The following REEP2 variants were observed in gnomAD, a reference collection of about 807,000 sequenced individuals.
REEP2 encodes receptor expression-enhancing protein 2.
A neutral mutation model predicts 32.1 loss-of-function variants in REEP2; 9 were observed. That is an observed-to-expected ratio of 0.28 (90% CI 0.17 to 0.49). The LOEUF is 0.49. Among genes scored for constraint, REEP2 ranks in the 20% least tolerant of loss-of-function variants. The probability of loss-of-function intolerance (pLI) is 0.99; values close to 1 mark genes in which losing one functional copy is unlikely to be tolerated. For missense variants in REEP2, 236 were observed against 338.0 expected, an observed-to-expected ratio of 0.70 and a Z score of 2.37; for synonymous variants, 128 against 139.1, an observed-to-expected ratio of 0.92 and a Z score of 0.56.
rs528903885 is a variant in REEP2, at chr5:138,446,148, A to C, written c.*397A>C. 43 of 192,656 alleles carry C rather than the reference A, an allele frequency of 2.2e-4. No individual in the cohort carries two copies. The highest frequency in any genetic ancestry group is 2.2e-3 in the Middle Eastern group (1 of 454). 11.9% of individuals were successfully genotyped at this position (192,656 alleles called of 1,614,324 possible). A position where few individuals can be genotyped will look rare whatever the true frequency, so the allele number is the denominator to read the frequency against. On this transcript the variant is annotated 3_prime_UTR_variant, in exon 8 of 8. Transcript: ENST00000378339. ...CTTGGTTTGGGAGCAGGGAGGGGGAAGTCCTAGCCCAGATGGACCAAGGAC... is the reference window on the plus strand; with the variant it reads ...CTTGGTTTGGGAGCAGGGAGGGGGACGTCCTAGCCCAGATGGACCAAGGAC...
rs775182220 is a variant in REEP2, at chr5:138,445,782, G to A, written c.*31G>A. On this transcript the variant is annotated 3_prime_UTR_variant, in exon 8 of 8. Coordinates refer to ENST00000378339, the MANE Select transcript of REEP2 (RefSeq NM_001271803.2). ...TCCACCCCCGCAGGCTGCAGAGCAA[G>A]GATGAAGCCTCAGGAGGGGCCTCAG... The A allele has an allele frequency of 1.2e-6, 2 of 1,602,276 alleles. No individual in the cohort carries two copies. Among genetic ancestry groups the A allele is most frequent in the African/African-American group, 2.7e-5 (2 of 74,362 alleles).
At chr5:138,439,545 G>A (rs1763783378) in intron 1 of REEP2, 1 of 506,318 alleles carries the variant, frequency 2.0e-6, no homozygotes. Context: ...ATTTAAAAGG[G>A]GAGGCAGGCG....
Position 138,441,097 on chromosome 5 carries a change from A to G in REEP2, c.105+9A>G. ...AAAACGTGAAGGAATATGTGAGTGG[A>G]TGACCCTTCACCCCCTACCCAACCC... is the stretch of plus-strand genomic sequence containing the variant. On this transcript the variant is annotated intron_variant, in intron 2 of 7. Coordinates refer to ENST00000378339, the MANE Select transcript of REEP2 (RefSeq NM_001271803.2). This position sits in a 1 kb window ranked among gnomAD's most constrained non-coding sequence, Gnocchi z 4.4. The G allele has an allele frequency of 1.9e-6, 3 of 1,613,760 alleles. No homozygotes were observed. The highest frequency in any genetic ancestry group is 2.5e-6 in the Non-Finnish European group (3 of 1,179,980).
At chr5:138,445,425 A>C in intron 6 of REEP2, 43 bp from the exon 7 acceptor site, 1 of 1,613,740 alleles carries the variant, frequency 6.2e-7, no homozygotes, top group Non-Finnish European at 8.5e-7. Flanking sequence ...CAAGGAGTCC[A>C]GATGGGAAAG....
chr5:138,439,271 G>C (rs755695508), intron 1 of REEP2, 31 bp downstream of exon 1: 3 of 1,429,588 alleles, frequency 2.1e-6, no homozygotes, highest in East Asian at 5.3e-5. Flanking sequence ...GGGTGATGCG[G>C]GCTGTGATGG....
chr5:138,445,208 G>A lies in REEP2; in HGVS notation c.418-20G>A. ...CCGCCCCTTCCCCCCGGCTCTCCCG[G>A]TGCGTGGTGGTGACCCTAGGGCCAG... On this transcript the variant is annotated intron_variant, in intron 5 of 7. Transcript: ENST00000378339. 1 of 1,570,978 alleles carries A rather than the reference G, an allele frequency of 6.4e-7. No homozygotes were observed. Among genetic ancestry groups the A allele is most frequent in the Non-Finnish European group, 8.6e-7 (1 of 1,161,068 alleles).
chr5:138,440,801 G>A lies in REEP2; in HGVS notation c.33-215G>A, dbSNP rs1030725130. On this transcript the variant is annotated intron_variant, in intron 1 of 7. Transcript: ENST00000378339. The stretch of plus-strand genomic sequence containing the variant: ...GGGCCTTTCCCTGCCTCCGGGGCTA[G>A]AGAAAAACTGAACAGTGGAGCGGGG... 6 of 901,790 alleles carry A rather than the reference G, an allele frequency of 6.7e-6. No homozygotes were observed. In the African/African-American group the frequency reaches 8.4e-5, roughly 13 times the overall value. 55.9% of individuals were successfully genotyped at this position (901,790 alleles called of 1,614,324 possible).
Position 138,445,916 on chromosome 5 carries a change from C to A in REEP2, c.*165C>A. On this transcript the variant is annotated 3_prime_UTR_variant, in exon 8 of 8. Coordinates refer to ENST00000378339, the MANE Select transcript of REEP2 (RefSeq NM_001271803.2). ...CCAGTGGCCACTCTTCTGGAAGGGG[C>A]TTGGAAAAGAGGAAGGAGGCCCAGC... 1.4e-6 allele frequency: 1 copy of A among 691,624 alleles called. No individual in the cohort carries two copies. The highest frequency in any genetic ancestry group is 2.4e-6 in the Non-Finnish European group (1 of 411,768). The allele number at this position is 691,624 out of a possible 1,614,324, so 42.8% of individuals were successfully genotyped here.
At position 138,446,778 on chromosome 5, in the gene REEP2, C is replaced by G. The variant is rs1763943287; in HGVS notation, c.*1027C>G. On this transcript the variant is annotated 3_prime_UTR_variant, in exon 8 of 8. Coordinates refer to ENST00000378339, the MANE Select transcript of REEP2 (RefSeq NM_001271803.2). Reference sequence around the variant, plus strand: ...GTACCAAGCAGACTGGGCCCTAAGACCCCTGGCAGAACCCAGCCTCTGCTC... The same window carrying G: ...GTACCAAGCAGACTGGGCCCTAAGAGCCCTGGCAGAACCCAGCCTCTGCTC... 6.6e-6 allele frequency: 1 copy of G among 152,336 alleles called. No homozygotes were observed. Among genetic ancestry groups the G allele is most frequent in the Admixed American group, 6.5e-5 (1 of 15,282 alleles). The allele number at this position is 152,336 out of a possible 1,614,324, so 9.4% of individuals were successfully genotyped here. A position where few individuals can be genotyped will look rare whatever the true frequency, so the allele number is the denominator to read the frequency against.
At chr5:138,440,844 C>T (rs1057270073) in intron 1 of REEP2, 172 bp from the exon 2 acceptor site, 11 of 1,311,502 alleles carry the variant, frequency 8.4e-6, no homozygotes, top group Non-Finnish European at 1.0e-5. Flanking sequence ...ATCACCCTAC[C>T]TGGCTGGGCA....
At chr5:138,444,636 C>G in intron 4 of REEP2, 101 bp downstream of exon 4, 1 of 1,568,942 alleles carries the variant, frequency 6.4e-7, no homozygotes, top group Non-Finnish European at 8.7e-7. Flanking sequence ...GGGCCCAGAG[C>G]CCAAAGTGAC....
At position 138,444,500 on chromosome 5, in the gene REEP2, A is replaced by C. The variant is rs757161004; in HGVS notation, c.268A>C (p.Lys90Gln). The change falls in exon 4 of 8, where the codon AAG (lysine) becomes CAG (glutamine). Residue 90 changes from lysine to glutamine, a missense_variant. Transcript: ENST00000378339. ...YTKGSSVLYR[K>Q]FVHPTLSNKE... ...CAAGGGCTCCAGCGTGCTCTACCGC[A>C]AGTTCGTGCACCCAACGCTGTCCAA... The C allele has an allele frequency of 1.2e-6, 2 of 1,614,044 alleles. No homozygotes were observed. Among genetic ancestry groups the C allele is most frequent in the Non-Finnish European group, 1.7e-6 (2 of 1,179,984 alleles).
chr5:138,444,644 G>C, intron 4 of REEP2, 109 bp downstream of exon 4: 5 of 1,566,958 alleles, frequency 3.2e-6, no homozygotes, highest in Non-Finnish European at 4.4e-6. Context: ...AGCCCAAAGT[G>C]ACTTGGCAGG....
intron 1 of REEP2, among the ~76,000 whole-genome samples, 192 bp downstream of exon 1, chr5:138,439,432 C>T (rs1580974168): frequency 1.3e-5 from 2 of 152,152 alleles, no homozygotes; most frequent in African/African-American, 2.4e-5. Flanking sequence ...GCGTGGCAGG[C>T]CTGGCTTCCC....
chr5:138,443,231 G>A (rs1580977879), intron 3 of REEP2, among the ~76,000 whole-genome samples: 1 of 151,902 alleles, frequency 6.6e-6, no homozygotes, highest in East Asian at 1.9e-4. Context: ...AGGCCAAGGG[G>A]GGGCAGATCA....
rs1763921269 is a variant in REEP2, at chr5:138,445,811, C to G, written c.*60C>G. ...GAAGCCTCAGGAGGGGCCTCAGACCCAGCCCCTGCTCCACACTGTGCCAGT... is the reference window on the plus strand; with the variant it reads ...GAAGCCTCAGGAGGGGCCTCAGACCGAGCCCCTGCTCCACACTGTGCCAGT... On this transcript the variant is annotated 3_prime_UTR_variant, in exon 8 of 8. Transcript: ENST00000378339. 1.3e-6 allele frequency: 2 copies of G among 1,514,860 alleles called. No homozygotes were observed. The highest frequency in any genetic ancestry group is 4.6e-5 in the East Asian group (2 of 43,730). The allele number at this position is 1,514,860 out of a possible 1,614,324, so 93.8% of individuals were successfully genotyped here.
chr5:138,439,731 C>T (rs1193032722), intron 1 of REEP2: 2 of 456,730 alleles, frequency 4.4e-6, no homozygotes, highest in Middle Eastern at 3.3e-4. Flanking sequence ...CACTCACTGT[C>T]AGGAGACTGG....
At chr5:138,445,167 G>T in intron 5 of REEP2, 61 bp from the exon 6 acceptor site, 4 of 1,514,248 alleles carry the variant, frequency 2.6e-6, no homozygotes, top group South Asian at 1.3e-5. Context: ...GCACCATGGT[G>T]ACCTCTATCT....
chr5:138,445,528 C>G lies in REEP2; in HGVS notation c.626C>G (p.Ala209Gly), dbSNP rs149979144. 1.5e-5 allele frequency: 25 copies of G among 1,614,080 alleles called. No homozygotes were observed. Among genetic ancestry groups the G allele is most frequent in the Non-Finnish European group, 2.0e-5 (24 of 1,180,042 alleles). ...AACCCGGCAGATTCCCGGACAGAGG[C>G]TTCTGAGGATGACATGGGAGACAAA... ...STNPADSRTEASEDDMGDKAP... is the reference protein window; with the variant it reads ...STNPADSRTEGSEDDMGDKAP... Residue 209 changes from alanine to glycine, a missense_variant, in exon 7 of 8, where the codon GCT (alanine) becomes GGT (glycine). Transcript: ENST00000378339.
Sources: gnomAD v4.1 joint callset for allele counts (sites outside exome capture counted in the v4.1 genomes callset) on GRCh38, gnomAD v4.1.1 for gene constraint, Gnocchi (gnomAD v3.1) non-coding constraint, MANE v1.5 for transcripts, NCBI Gene and HGNC (gene_info 2026-07-23, HGNC 2026-07-21) for gene names.